RBFOX1: variants seen among roughly 807,000 people sequenced by gnomAD.
RBFOX1 encodes RNA binding protein fox-1 homolog 1.
A neutral mutation model predicts 57.7 loss-of-function variants in RBFOX1; 8 were observed. That is an observed-to-expected ratio of 0.14 (90% CI 0.08 to 0.25). RBFOX1 has a LOEUF of 0.25. Among genes scored for constraint, RBFOX1 ranks in the 10% least tolerant of loss-of-function variants. The pLI, the probability that RBFOX1 is intolerant of heterozygous loss-of-function variation, is 1.00. For synonymous variants in RBFOX1, 326 were observed against 222.4 expected, an observed-to-expected ratio of 1.47 and a Z score of -4.15; for missense variants, 611 against 548.5, an observed-to-expected ratio of 1.11 and a Z score of -1.14.
At chr16:6,529,125 G>A (rs1175975458) in intron 2 of RBFOX1, among the ~76,000 whole-genome samples, 1 of 152,140 alleles carries the variant, frequency 6.6e-6, no homozygotes. Context: ...GAAATGTGGT[G>A]AATTTGTGCC....
chr16:5,871,913 C>A (rs546541128), intron 4 of RBFOX1, among the ~76,000 whole-genome samples: 1 of 152,126 alleles, frequency 6.6e-6, no homozygotes, highest in Non-Finnish European at 1.5e-5. Flanking sequence ...TCTGCTATCC[C>A]AAATAATTGC....
chr16:6,790,673 C>T (rs971353801), intron 3 of RBFOX1, among the ~76,000 whole-genome samples: 7 of 152,074 alleles, frequency 4.6e-5, no homozygotes, highest in African/African-American at 1.7e-4. Flanking sequence ...ATTATTTTCA[C>T]TTGTATGGTG....
At chr16:5,242,246 G>A (rs2062186689) in intron 1 of RBFOX1, among the ~76,000 whole-genome samples, 1 of 152,198 alleles carries the variant, frequency 6.6e-6, no homozygotes, top group Non-Finnish European at 1.5e-5. Context: ...AAACCCCACT[G>A]AATTTCTTGG....
chr16:5,839,969 C>T (rs921182494), intron 3 of RBFOX1, among the ~76,000 whole-genome samples: 1 of 152,154 alleles, frequency 6.6e-6, no homozygotes, highest in Non-Finnish European at 1.5e-5. Context: ...GATTACTGGA[C>T]AAACATCTAA....
chr16:7,400,755 G>C (rs2098227948), intron 4 of RBFOX1, among the ~76,000 whole-genome samples: 1 of 152,168 alleles, frequency 6.6e-6, no homozygotes, highest in Non-Finnish European at 1.5e-5. Flanking sequence ...CAGTAATCCA[G>C]TCAATTAAAA....
intron 1 of RBFOX1, among the ~76,000 whole-genome samples, chr16:5,277,495 A>G (rs2063170286): frequency 6.6e-6 from 1 of 152,190 alleles, no homozygotes; most frequent in Non-Finnish European, 1.5e-5. Context: ...ACTTTCTATG[A>G]TATTAAACAC....
intron 4 of RBFOX1, among the ~76,000 whole-genome samples, chr16:7,103,583 A>T (rs2151413809): frequency 6.6e-6 from 1 of 152,312 alleles, no homozygotes; most frequent in South Asian, 2.1e-4. Flanking sequence ...ACACACCAAG[A>T]TGCTAAAAGT....
intron 2 of RBFOX1, among the ~76,000 whole-genome samples, chr16:5,539,260 C>T (rs1022962859): frequency 3.3e-5 from 5 of 152,090 alleles, no homozygotes; most frequent in African/African-American, 1.2e-4. Flanking sequence ...AGGAGAATCA[C>T]CTTGTGTCCC....
intron 3 of RBFOX1, among the ~76,000 whole-genome samples, chr16:6,703,169 C>G (rs950310410): frequency 1.3e-5 from 2 of 152,104 alleles, no homozygotes; most frequent in African/African-American, 4.8e-5. Context: ...TTGTTCATTT[C>G]TCTGTTGATA....
chr16:6,692,728 A>T (rs1234326661), intron 3 of RBFOX1, among the ~76,000 whole-genome samples: 1 of 152,032 alleles, frequency 6.6e-6, no homozygotes, highest in Non-Finnish European at 1.5e-5. Context: ...AGTCAGAGTA[A>T]TGTCTTTATC....
chr16:5,935,567 G>C (rs771007227), intron 4 of RBFOX1, among the ~76,000 whole-genome samples: 1 of 152,178 alleles, frequency 6.6e-6, no homozygotes, highest in Non-Finnish European at 1.5e-5. Context: ...AGAGGTAGTT[G>C]GGGGATCTGG....
At chr16:6,615,145 C>G (rs2098124093) in intron 2 of RBFOX1, among the ~76,000 whole-genome samples, 1 of 152,124 alleles carries the variant, frequency 6.6e-6, no homozygotes, top group Admixed American at 6.6e-5. Context: ...GTTTGCAAAA[C>G]AGTTATTTTG....
intron 2 of RBFOX1, among the ~76,000 whole-genome samples, chr16:6,634,830 A>C (rs2098419105): frequency 7.1e-6 from 1 of 139,922 alleles, no homozygotes; most frequent in East Asian, 2.1e-4. Context: ...AAAGATATAC[A>C]TATATTTGTA....
At chr16:5,347,596 C>G in intron 1 of RBFOX1, among the ~76,000 whole-genome samples, 1 of 151,342 alleles carries the variant, frequency 6.6e-6, no homozygotes, top group African/African-American at 2.4e-5. Flanking sequence ...ACCCACCCAT[C>G]CACCCACCCA....
intron 1 of RBFOX1, among the ~76,000 whole-genome samples, chr16:5,291,010 G>A (rs2151173413): frequency 6.6e-6 from 1 of 152,236 alleles, no homozygotes; most frequent in Non-Finnish European, 1.5e-5. Context: ...AGATTTAAGG[G>A]ACTTTCAAGA....
intron 2 of RBFOX1, among the ~76,000 whole-genome samples, chr16:6,562,019 T>C (rs1039908458): frequency 6.6e-6 from 1 of 152,018 alleles, no homozygotes; most frequent in African/African-American, 2.4e-5. Flanking sequence ...TGAGGCCATG[T>C]TGGTGCTTTA....
chr16:5,557,120 C>T (rs1333737999), intron 2 of RBFOX1, among the ~76,000 whole-genome samples: 3 of 151,786 alleles, frequency 2.0e-5, no homozygotes, highest in African/African-American at 7.3e-5. Context: ...ATTAGCTGGG[C>T]GTGGTGGCAG....
intron 3 of RBFOX1, among the ~76,000 whole-genome samples, chr16:6,904,685 A>C (rs1204844606): frequency 2.0e-5 from 3 of 150,432 alleles, no homozygotes; most frequent in African/African-American, 7.3e-5. Flanking sequence ...TTGGGGAAGC[A>C]GCTGCTTTTT....
chr16:7,181,324 C>G lies in RBFOX1; in HGVS notation c.27+129226C>G, dbSNP rs532491917. 3.9e-5 allele frequency among the ~76,000 whole-genome samples: 6 copies of G among 152,256 alleles called. No homozygotes were observed. The South Asian group carries it at 1.2e-3, about 32-fold the overall frequency. ...TTCAGTAAAAGAAATTCCATGTCATCCTTCTCTGCCCTCTCCAAACCCCTT... is the reference window on the plus strand; with the variant it reads ...TTCAGTAAAAGAAATTCCATGTCATGCTTCTCTGCCCTCTCCAAACCCCTT... On this transcript the variant is annotated intron_variant, in intron 4 of 15. Coordinates refer to ENST00000550418, the MANE Select transcript of RBFOX1 (RefSeq NM_018723.4).
Sources: gnomAD v4.1 joint callset for allele counts (sites outside exome capture counted in the v4.1 genomes callset) on GRCh38, gnomAD v4.1.1 for gene constraint, MANE v1.5 for transcripts, NCBI Gene and HGNC (gene_info 2026-07-23, HGNC 2026-07-21) for gene names.